Variants in OR4N2 observed in about 807,000 individuals in gnomAD.
OR4N2 encodes olfactory receptor 4N2.
For missense variants in OR4N2, 307 were observed against 377.6 expected (o/e 0.81, Z 1.55); for synonymous variants, 141 against 140.4 (o/e 1.00, Z -0.03).
At chr14:19,820,456 C>G (rs539207058) in intron 1 of OR4N2, among the ~76,000 whole-genome samples, 1 of 152,352 alleles carries the variant, frequency 6.6e-6, no homozygotes, top group South Asian at 2.1e-4. Flanking sequence ...ACTGCATTAG[C>G]TGTGTGGGAG....
chr14:19,811,239 T>C (rs1780883), intron 1 of OR4N2, among the ~76,000 whole-genome samples: 12,621 of 149,604 alleles, frequency 0.084, 119 homozygotes, highest in East Asian at 0.19. Context: ...CATACACATA[T>C]GATTTTATTT....
At chr14:19,817,821 A>G (rs1404461391) in intron 1 of OR4N2, among the ~76,000 whole-genome samples, 1 of 152,256 alleles carries the variant, frequency 6.6e-6, no homozygotes, top group Non-Finnish European at 1.5e-5. Flanking sequence ...AGCTGTTGGC[A>G]TTTAGTGCTA....
chr14:19,810,476 T>A (rs1405937162), intron 1 of OR4N2, among the ~76,000 whole-genome samples: 5 of 152,256 alleles, frequency 3.3e-5, no homozygotes, highest in African/African-American at 1.2e-4. Flanking sequence ...AACCTAGCAA[T>A]CTCATTATTG....
intron 1 of OR4N2, among the ~76,000 whole-genome samples, chr14:19,808,466 C>T (rs1879219591): frequency 6.6e-6 from 1 of 152,242 alleles, no homozygotes; most frequent in African/African-American, 2.4e-5. Flanking sequence ...AAATCAAGGA[C>T]ACAATCCCAT....
Position 19,806,303 on chromosome 14 carries a change from ACC to A in OR4N2, c.-10+2460_-10+2461del, listed in dbSNP as rs1379616996. 4.9e-3 allele frequency among the ~76,000 whole-genome samples: 743 copies of A among 152,056 alleles called. 4 individuals are homozygous for A. Among genetic ancestry groups the A allele is most frequent in the Non-Finnish European group, 8.5e-3 (579 of 67,798 alleles). ...GGTAAGTTGGATAAAAAGGCAAGAC[ACC>A]ACTGTCTGTTGTCTTGAAGAGACCA... On this transcript the variant is annotated intron_variant, in intron 1 of 1. Transcript: ENST00000557677.
chr14:19,821,653 G>C (rs570422022), intron 1 of OR4N2, among the ~76,000 whole-genome samples: 6 of 152,170 alleles, frequency 3.9e-5, no homozygotes, highest in Non-Finnish European at 8.8e-5. Flanking sequence ...TCTCACGATA[G>C]AATTTTTGTT....
At chr14:19,818,996 G>A (rs1421251784) in intron 1 of OR4N2, among the ~76,000 whole-genome samples, 1 of 152,254 alleles carries the variant, frequency 6.6e-6, no homozygotes, top group Non-Finnish European at 1.5e-5. Context: ...CTTTAAGAAT[G>A]TTGAATATTG....
intron 1 of OR4N2, among the ~76,000 whole-genome samples, chr14:19,813,449 C>T (rs1203995767): frequency 9.2e-5 from 14 of 152,356 alleles, no homozygotes; most frequent in Admixed American, 3.3e-4. Flanking sequence ...CTGGAAAGAA[C>T]GCTGCAGAGG....
chr14:19,821,221 G>T (rs549838722), intron 1 of OR4N2, among the ~76,000 whole-genome samples: 2 of 152,234 alleles, frequency 1.3e-5, no homozygotes, highest in African/African-American at 4.8e-5. Flanking sequence ...GTGATGTGAT[G>T]CCCCACCCTG....
At position 19,827,996 on chromosome 14, in the gene OR4N2, A is replaced by C; in HGVS notation, c.548A>C (p.Gln183Pro). The change falls in exon 2 of 2, where the codon CAG becomes CCG. Residue 183 changes from glutamine (Q) to proline (P), a missense_variant. Coordinates refer to ENST00000557677, the MANE Select transcript of OR4N2 (RefSeq NM_001004723.3). ...GACAACTTCTTCTGTGATGTCCCAC[A>C]GGTCATCAAGCTGGCCTGCACCGAC... ...QLDNFFCDVP[Q>P]VIKLACTDTF... is the part of the protein sequence containing the mutation. 6.2e-7 allele frequency: 1 copy of C among 1,614,252 alleles called. No homozygotes were observed. Among genetic ancestry groups the C allele is most frequent in the Non-Finnish European group, 8.5e-7 (1 of 1,180,046 alleles).
intron 1 of OR4N2, among the ~76,000 whole-genome samples, chr14:19,824,570 T>A (rs1731415451): frequency 6.6e-6 from 1 of 152,244 alleles, no homozygotes; most frequent in Non-Finnish European, 1.5e-5. Context: ...AAACATGGGT[T>A]TGAACCACAC....
At chr14:19,815,654 T>C (rs1163168791) in intron 1 of OR4N2, among the ~76,000 whole-genome samples, 3 of 125,456 alleles carry the variant, frequency 2.4e-5, no homozygotes, top group Non-Finnish European at 5.5e-5. Context: ...GGTTTTTTTT[T>C]GTTTTTTTTT....
At chr14:19,806,587 C>T (rs561818982) in intron 1 of OR4N2, among the ~76,000 whole-genome samples, 1 of 152,286 alleles carries the variant, frequency 6.6e-6, no homozygotes, top group East Asian at 1.9e-4. Context: ...TTTTCTTGGC[C>T]TACCAAAAGA....
Position 19,827,964 on chromosome 14 carries a change from C to T in OR4N2, c.516C>T (p.Asn172=). The T allele has an allele frequency of 6.2e-7, 1 of 1,614,244 alleles. No individual in the cohort carries two copies. The highest frequency in any genetic ancestry group is 8.5e-7 in the Non-Finnish European group (1 of 1,180,054). The change falls in exon 2 of 2, where the codon AAC becomes AAT. Residue 172 remains asparagine (N), a synonymous_variant. Transcript: ENST00000557677. Reference sequence around the variant, plus strand: ...TCCGCTTGCCTTTTTGTGGCCCAAACCAGCTGGACAACTTCTTCTGTGATG... The same window carrying T: ...TCCGCTTGCCTTTTTGTGGCCCAAATCAGCTGGACAACTTCTTCTGTGATG... ...LILRLPFCGP[N]QLDNFFCDVP...
chr14:19,805,964 C>A lies in OR4N2; in HGVS notation c.-10+2120C>A, dbSNP rs180690758. Among the ~76,000 whole-genome samples the A allele has an allele frequency of 8.5e-5, 13 of 152,250 alleles. No homozygotes were observed. The East Asian group carries it at 2.3e-3, about 27-fold the overall frequency. Reference sequence around the variant, plus strand: ...TAAATTCCAACCAAGAATTTCATATCCCACCCAAACTTAGCTTCATAAGTG... The same window carrying A: ...TAAATTCCAACCAAGAATTTCATATACCACCCAAACTTAGCTTCATAAGTG... On this transcript the variant is annotated intron_variant, in intron 1 of 1. Transcript: ENST00000557677.
chr14:19,825,696 C>T (rs10148979), intron 1 of OR4N2, among the ~76,000 whole-genome samples: 744 of 152,096 alleles, frequency 4.9e-3, no homozygotes, highest in African/African-American at 0.017. Flanking sequence ...GCTGGGACTA[C>T]AGGCAACCAC....
intron 1 of OR4N2, among the ~76,000 whole-genome samples, chr14:19,824,905 A>G (rs1396178943): frequency 6.6e-6 from 1 of 152,276 alleles, no homozygotes; most frequent in Non-Finnish European, 1.5e-5. Context: ...TTTTTAGGGA[A>G]TCAAGGTATG....
intron 1 of OR4N2, among the ~76,000 whole-genome samples, chr14:19,812,724 T>C (rs1399499345): frequency 1.3e-5 from 2 of 152,362 alleles, no homozygotes; most frequent in Non-Finnish European, 2.9e-5. Flanking sequence ...TGGTTTTGAT[T>C]TGCATTTCTC....
chr14:19,817,760 G>T (rs1879464319), intron 1 of OR4N2, among the ~76,000 whole-genome samples: 2 of 152,296 alleles, frequency 1.3e-5, no homozygotes, highest in African/African-American at 4.8e-5. Flanking sequence ...TACTTCTCTA[G>T]TTCTTTTAAT....
Sources: gnomAD v4.1 joint callset for allele counts (sites outside exome capture counted in the v4.1 genomes callset) on GRCh38, gnomAD v4.1.1 for gene constraint, MANE v1.5 for transcripts, NCBI Gene and HGNC (gene_info 2026-07-23, HGNC 2026-07-21) for gene names.